NEBL: variants seen among roughly 807,000 people sequenced by gnomAD.
NEBL encodes LIM and SH3 protein 2.
In NEBL, 122 loss-of-function variants were observed where a neutral mutation model predicts 140.2. The ratio of observed to expected loss-of-function variants is 0.87; its 90% CI spans 0.75 to 1.01. The LOEUF is 1.01. Ranked by LOEUF, NEBL falls within the 50% of genes least tolerant of loss-of-function variation. The pLI, the probability that NEBL is intolerant of heterozygous loss-of-function variation, is 0.00. For missense variants in NEBL, 1,365 were observed against 1,231.3 expected, an observed-to-expected ratio of 1.11 and a Z score of -1.62; for synonymous variants, 436 against 398.9, an observed-to-expected ratio of 1.09 and a Z score of -1.11.
At chr10:21,034,617 T>C (rs1218389219) in intron 2 of NEBL, among the ~76,000 whole-genome samples, 1 of 152,210 alleles carries the variant, frequency 6.6e-6, no homozygotes, top group African/African-American at 2.4e-5. Flanking sequence ...TATGTAATCA[T>C]TGGCCTCCAC....
Position 21,229,749 on chromosome 10 carries a change from T to C in NEBL, n.348+18172A>G, listed in dbSNP as rs1005400696. ...GATGGGCCTAGCTTTCAGTCACGTC[T>C]CTGTAACACACCAGCTGGTAACCTT... On this transcript the variant is annotated intron_variant and non_coding_transcript_variant, in intron 3 of 8. Coordinates refer to the NEBL transcript ENST00000675702. Among the ~76,000 whole-genome samples, 10 of 152,334 alleles carry C rather than the reference T, an allele frequency of 6.6e-5. No individual in the cohort carries two copies. The South Asian group carries it at 2.1e-3, about 32-fold the overall frequency.
chr10:20,906,169 T>C (rs1049117926), intron 4 of NEBL, among the ~76,000 whole-genome samples: 26 of 152,230 alleles, frequency 1.7e-4, no homozygotes, highest in Non-Finnish European at 3.5e-4. Flanking sequence ...ATGTTAAATG[T>C]GTTTATACAT....
chr10:21,288,240 C>A (rs1027021572), intron 1 of NEBL, among the ~76,000 whole-genome samples: 4 of 152,082 alleles, frequency 2.6e-5, no homozygotes, highest in African/African-American at 7.2e-5. Context: ...GAGGCCAAGG[C>A]GGGCGGATCA....
At chr10:20,999,922 T>C (rs1010360634) in intron 3 of NEBL, among the ~76,000 whole-genome samples, 5 of 152,082 alleles carry the variant, frequency 3.3e-5, no homozygotes, top group South Asian at 4.2e-4. Flanking sequence ...GAAAAGATCA[T>C]GTGATGCAAA....
At chr10:20,966,002 T>C (rs1250530444) in intron 3 of NEBL, among the ~76,000 whole-genome samples, 1 of 152,156 alleles carries the variant, frequency 6.6e-6, no homozygotes, top group Non-Finnish European at 1.5e-5. Context: ...CACAGTCTTA[T>C]CTCCCTACAG....
chr10:21,158,069 G>A (rs1457095616), intron 2 of NEBL, among the ~76,000 whole-genome samples: 4 of 152,184 alleles, frequency 2.6e-5, no homozygotes, highest in African/African-American at 9.7e-5. Context: ...GACAACAAAT[G>A]TCTGTTATTT....
intron 2 of NEBL, among the ~76,000 whole-genome samples, chr10:21,054,060 A>T (rs1379653005): frequency 6.6e-6 from 1 of 151,666 alleles, no homozygotes; most frequent in Admixed American, 6.6e-5. Flanking sequence ...ACAAAAAAGA[A>T]GTATGCCTAA....
intron 3 of NEBL, among the ~76,000 whole-genome samples, chr10:21,001,029 C>T (rs1009669191): frequency 2.6e-5 from 4 of 152,170 alleles, no homozygotes; most frequent in African/African-American, 9.7e-5. Context: ...CAATCATCTG[C>T]AGTTCCCTCA....
At position 20,812,773 on chromosome 10, in the gene NEBL, A is replaced by G. The variant is rs775865836; in HGVS notation, c.2514T>C (p.Ile838=). ...CGACAAACGCCGTCAGCTTACCAAC[A>G]ATGATTCCAGGTCTCCTGTCCATCT... ...IVEMDRRPGI[I]VDLKVWRTDP... Residue 838 remains isoleucine (I), a synonymous_variant, in exon 24 of 28, where the codon ATT becomes ATC. Transcript: ENST00000377122. The G allele has an allele frequency of 8.7e-6, 14 of 1,613,770 alleles. No homozygotes were observed. The South Asian group carries it at 1.1e-4, about 13-fold the overall frequency.
intron 5 of NEBL, among the ~76,000 whole-genome samples, chr10:20,874,342 C>A (rs183653740): frequency 2.2e-4 from 33 of 152,258 alleles, no homozygotes; most frequent in Non-Finnish European, 4.7e-4. Context: ...GATACCCCAT[C>A]CATTTGGAAA....
intron 3 of NEBL, among the ~76,000 whole-genome samples, chr10:21,197,349 A>G (rs557247949): frequency 3.9e-5 from 6 of 152,352 alleles, no homozygotes; most frequent in Admixed American, 3.9e-4. Context: ...ATATGTCTAG[A>G]AGTTTTTCTT....
At chr10:20,877,455 CT>C (rs1845607403) in intron 5 of NEBL, among the ~76,000 whole-genome samples, 1 of 152,192 alleles carries the variant, frequency 6.6e-6, no homozygotes, top group African/African-American at 2.4e-5. Context: ...CTTCGTAAGA[CT>C]TTCCTTTTAA....
chr10:21,231,465 G>A (rs905404115), intron 3 of NEBL, among the ~76,000 whole-genome samples: 1 of 152,086 alleles, frequency 6.6e-6, no homozygotes, highest in Admixed American at 6.6e-5. Context: ...GCTTGAACTC[G>A]GGGGAGGAGG....
chr10:20,812,121 G>A (rs531597806), intron 24 of NEBL, among the ~76,000 whole-genome samples: 13 of 152,266 alleles, frequency 8.5e-5, no homozygotes, highest in South Asian at 4.2e-4. Flanking sequence ...CGCCCATGGC[G>A]TGTCTGTTTT....
intron 4 of NEBL, among the ~76,000 whole-genome samples, chr10:20,886,989 G>C (rs553377087): frequency 6.6e-6 from 1 of 152,174 alleles, no homozygotes; most frequent in South Asian, 2.1e-4. Context: ...AGCAAGGAAC[G>C]AGACAGATGA....
At chr10:20,827,345 A>G (rs1460901384) in intron 17 of NEBL, among the ~76,000 whole-genome samples, 1 of 152,158 alleles carries the variant, frequency 6.6e-6, no homozygotes, top group African/African-American at 2.4e-5. Flanking sequence ...CCTTCCATCA[A>G]GACTTTCCCA....
intron 2 of NEBL, among the ~76,000 whole-genome samples, chr10:21,158,403 T>C (rs1840418899): frequency 6.6e-6 from 1 of 152,234 alleles, no homozygotes. Flanking sequence ...TATTTATCCT[T>C]GCAGTAACCA....
chr10:21,120,390 ATACATATATATAT>A lies in NEBL; in HGVS notation c.164+51980_164+51992del, dbSNP rs1220428575. On this transcript the variant is annotated intron_variant, in intron 2 of 6. Transcript: ENST00000417816. Reference sequence around the variant, plus strand: ...ACTGTGTCTCAAAAAAAAAAAAAAAATACATATATATATATATATATATATATATATATAAATT... The same window carrying A: ...ACTGTGTCTCAAAAAAAAAAAAAAAAATATATATATATATATATATAAATT... Among the ~76,000 whole-genome samples, 6 of 99,492 alleles carry A rather than the reference ATACATATATATAT, an allele frequency of 6.0e-5. No individual in the cohort carries two copies. In the South Asian group the frequency reaches 1.0e-3, roughly 17 times the overall value. 65.3% of individuals were successfully genotyped at this position (99,492 alleles called of 152,430 possible).
intron 2 of NEBL, among the ~76,000 whole-genome samples, chr10:21,161,104 A>T (rs1840541764): frequency 6.6e-6 from 1 of 152,220 alleles, no homozygotes; most frequent in Admixed American, 6.5e-5. Context: ...CATGTGCATT[A>T]TCAGTCCAAG....
Sources: gnomAD v4.1 joint callset for allele counts (sites outside exome capture counted in the v4.1 genomes callset) on GRCh38, gnomAD v4.1.1 for gene constraint, MANE v1.5 for transcripts, NCBI Gene and HGNC (gene_info 2026-07-23, HGNC 2026-07-21) for gene names.